The following KCNH8 variants were observed in gnomAD, a reference collection of about 807,000 sequenced individuals.
KCNH8 encodes voltage-gated delayed rectifier potassium channel KCNH8.
In KCNH8, 70 loss-of-function variants were observed where a neutral mutation model predicts 103.6. That is an observed-to-expected ratio of 0.68 (90% CI 0.56 to 0.82). The LOEUF (loss-of-function observed/expected upper bound fraction) is 0.82. Among genes scored for constraint, KCNH8 ranks in the 40% least tolerant of loss-of-function variants. The pLI is 0.00. For missense variants in KCNH8, 1,217 were observed against 1,329.9 expected (o/e 0.92, Z 1.32); for synonymous variants, 498 against 489.4 (o/e 1.02, Z -0.23).
At chr3:19,472,906 C>A (rs1460892736) in intron 11 of KCNH8, among the ~76,000 whole-genome samples, 2 of 152,098 alleles carry the variant, frequency 1.3e-5, no homozygotes, top group Non-Finnish European at 2.9e-5. Context: ...TAGTAGCATA[C>A]CTACTTGCTA....
intron 11 of KCNH8, among the ~76,000 whole-genome samples, chr3:19,505,145 T>C (rs1180764251): frequency 6.6e-6 from 1 of 151,614 alleles, no homozygotes; most frequent in Non-Finnish European, 1.5e-5. Context: ...TGAGATCATG[T>C]TCTCTAAATG....
chr3:19,379,038 AAAAT>A (rs1294917464), intron 5 of KCNH8, among the ~76,000 whole-genome samples: 1 of 150,506 alleles, frequency 6.6e-6, no homozygotes, highest in East Asian at 1.9e-4. Flanking sequence ...AGTAAGAAGA[AAAAT>A]AGTAAGCAGC....
chr3:19,511,953 C>A (rs2068790740), intron 12 of KCNH8, among the ~76,000 whole-genome samples: 1 of 151,426 alleles, frequency 6.6e-6, no homozygotes, highest in African/African-American at 2.4e-5. Flanking sequence ...CCATATACAC[C>A]AAAAAAAACA....
chr3:19,481,350 A>C (rs1234506876), intron 11 of KCNH8, among the ~76,000 whole-genome samples: 3 of 151,936 alleles, frequency 2.0e-5, no homozygotes, highest in African/African-American at 7.3e-5. Context: ...TCTTTTGTCT[A>C]ATTTACTTCC....
intron 5 of KCNH8, among the ~76,000 whole-genome samples, chr3:19,348,547 C>T (rs760686537): frequency 6.6e-5 from 10 of 152,186 alleles, no homozygotes; most frequent in African/African-American, 4.8e-5. Context: ...GTTGAAGCTG[C>T]GTCTGTGCCA....
chr3:19,427,529 G>A (rs942869512), intron 7 of KCNH8, among the ~76,000 whole-genome samples: 1 of 152,130 alleles, frequency 6.6e-6, no homozygotes, highest in Admixed American at 6.5e-5. Context: ...AAAGCTATGA[G>A]GTTATAAATT....
At chr3:19,288,356 T>C (rs1168994729) in intron 3 of KCNH8, among the ~76,000 whole-genome samples, 7 of 151,906 alleles carry the variant, frequency 4.6e-5, no homozygotes, top group Admixed American at 2.6e-4. Flanking sequence ...ATTAGGTATA[T>C]CTCCTAATGC....
intron 3 of KCNH8, 23 bp downstream of exon 3, chr3:19,281,352 A>C: frequency 6.4e-7 from 1 of 1,569,644 alleles, no homozygotes. Flanking sequence ...TTCAGAAAAC[A>C]TTGACAGATG....
At chr3:19,375,954 G>A (rs928411244) in intron 5 of KCNH8, among the ~76,000 whole-genome samples, 3 of 152,146 alleles carry the variant, frequency 2.0e-5, no homozygotes, top group Admixed American at 6.5e-5. Context: ...CAGTCTGCCC[G>A]TTCTCAGATC....
intron 1 of KCNH8, among the ~76,000 whole-genome samples, chr3:19,170,729 CACACACATATATAT>C (rs1249594998): frequency 1.1e-4 from 12 of 108,344 alleles, no homozygotes; most frequent in Non-Finnish European, 2.4e-4. Context: ...CACATATATA[CACACACATATATAT>C]ACACACACAT....
intron 15 of KCNH8, among the ~76,000 whole-genome samples, chr3:19,525,144 C>T (rs1242979858): frequency 6.6e-6 from 1 of 151,730 alleles, no homozygotes; most frequent in Non-Finnish European, 1.5e-5. Context: ...TTAGTCATTC[C>T]ACAATGTATA....
intron 15 of KCNH8, among the ~76,000 whole-genome samples, chr3:19,528,154 A>T (rs180806388): frequency 6.6e-6 from 1 of 152,208 alleles, no homozygotes; most frequent in Admixed American, 6.6e-5. Flanking sequence ...ATTAATAAAC[A>T]AATAAGAATG....
intron 11 of KCNH8, among the ~76,000 whole-genome samples, chr3:19,504,301 G>A (rs2068649537): frequency 1.3e-5 from 2 of 152,142 alleles, no homozygotes. Context: ...TGACAAAGAT[G>A]CTGAAAGCAA....
chr3:19,451,959 G>A (rs1032134156), intron 10 of KCNH8, among the ~76,000 whole-genome samples: 2 of 152,108 alleles, frequency 1.3e-5, no homozygotes, highest in Non-Finnish European at 1.5e-5. Context: ...TGAAAATTTT[G>A]TGCCACAGAA....
At chr3:19,375,883 C>A (rs149117244) in intron 5 of KCNH8, among the ~76,000 whole-genome samples, 17 of 152,282 alleles carry the variant, frequency 1.1e-4, no homozygotes, top group African/African-American at 4.1e-4. Flanking sequence ...TGTCAGTGTG[C>A]CCTTGCTGGG....
chr3:19,276,679 A>G (rs75387361), intron 2 of KCNH8, among the ~76,000 whole-genome samples: 2,282 of 152,260 alleles, frequency 0.015, 68 homozygotes, highest in African/African-American at 0.051. Flanking sequence ...TTAGTTAGCT[A>G]TTATGAGTTT....
chr3:19,287,778 G>T (rs934447649), intron 3 of KCNH8, among the ~76,000 whole-genome samples: 1 of 152,130 alleles, frequency 6.6e-6, no homozygotes, highest in African/African-American at 2.4e-5. Flanking sequence ...TAGAGACGGG[G>T]TTTCATCATG....
intron 11 of KCNH8, among the ~76,000 whole-genome samples, chr3:19,494,245 C>T (rs976976931): frequency 6.6e-6 from 1 of 152,136 alleles, no homozygotes; most frequent in African/African-American, 2.4e-5. Flanking sequence ...GATAGGTATC[C>T]CCACACAAAT....
At position 19,258,939 on chromosome 3, in the gene KCNH8, CTCTCTCTCTATATA is replaced by C. The variant is rs1326803266; in HGVS notation, c.310+5054_310+5067del. 1.0e-2 allele frequency among the ~76,000 whole-genome samples: 736 copies of C among 73,956 alleles called. 3 individuals carry two copies. The highest frequency in any genetic ancestry group is 0.013 in the Non-Finnish European group (456 of 36,028). The allele number at this position is 73,956 out of a possible 152,430, so 48.5% of individuals were successfully genotyped here. Reference sequence around the variant, plus strand: ...TCTCTCTCTCTCTCTCTCTCTCTCTCTCTCTCTCTATATATATATATATATATATATATATATAT... The same window carrying C: ...TCTCTCTCTCTCTCTCTCTCTCTCTCTATATATATATATATATATATATAT... On this transcript the variant is annotated intron_variant, in intron 2 of 15. Coordinates refer to ENST00000328405, the MANE Select transcript of KCNH8 (RefSeq NM_144633.3).
Sources: allele counts gnomAD v4.1 joint callset (sites outside exome capture counted in the v4.1 genomes callset), GRCh38; gene constraint gnomAD v4.1.1; transcripts MANE v1.5; gene names NCBI Gene and HGNC (gene_info 2026-07-23, HGNC 2026-07-21).